Variants in FGF12 observed in about 807,000 individuals in gnomAD.
The protein encoded by FGF12 is fibroblast growth factor 12.
In FGF12, 14 loss-of-function variants were observed where a neutral mutation model predicts 23.6. That is an observed-to-expected ratio of 0.59 (90% CI 0.39 to 0.93). The LOEUF is 0.93. Ranked by LOEUF, FGF12 falls within the 40% of genes least tolerant of loss-of-function variation. The pLI, the probability that FGF12 is intolerant of heterozygous loss-of-function variation, is 0.00. For synonymous variants in FGF12, 62 were observed against 77.3 expected, an observed-to-expected ratio of 0.80 and a Z score of 1.04; for missense variants, 175 against 217.8, an observed-to-expected ratio of 0.80 and a Z score of 1.24.
At chr3:192,680,771 T>A (rs1398946188) in intron 2 of FGF12, among the ~76,000 whole-genome samples, 1 of 152,216 alleles carries the variant, frequency 6.6e-6, no homozygotes, top group African/African-American at 2.4e-5. Context: ...CATTAGGAAG[T>A]ATATTCTTGC....
intron 3 of FGF12, among the ~76,000 whole-genome samples, chr3:192,349,118 A>G (rs1293341942): frequency 6.6e-6 from 1 of 152,144 alleles, no homozygotes; most frequent in East Asian, 1.9e-4. Context: ...TTTATACCTT[A>G]TTTAGCTGGT....
rs1389356012 is a variant in FGF12, at chr3:192,142,452, A to G, written c.*1557T>C. ...TTACATGCTATGTCTTCTCATTGATAATATCCATAAATCTGCATACATTTT... is the reference window on the plus strand; with the variant it reads ...TTACATGCTATGTCTTCTCATTGATGATATCCATAAATCTGCATACATTTT... On this transcript the variant is annotated 3_prime_UTR_variant, in exon 6 of 6. Coordinates refer to ENST00000445105, the MANE Select transcript of FGF12 (RefSeq NM_004113.6). 1.3e-5 allele frequency: 2 copies of G among 149,910 alleles called. No individual in the cohort carries two copies. Among genetic ancestry groups the G allele is most frequent in the East Asian group, 2.0e-4 (1 of 5,062 alleles). 9.3% of individuals were successfully genotyped at this position (149,910 alleles called of 1,614,324 possible).
intron 2 of FGF12, among the ~76,000 whole-genome samples, chr3:192,569,625 A>T (rs971531288): frequency 2.6e-5 from 4 of 152,242 alleles, no homozygotes; most frequent in Admixed American, 6.5e-5. Context: ...AGTAAGATTT[A>T]TCGCAGGTAG....
At chr3:192,343,355 A>C (rs989905147) in intron 3 of FGF12, among the ~76,000 whole-genome samples, 1 of 152,182 alleles carries the variant, frequency 6.6e-6, no homozygotes, top group Non-Finnish European at 1.5e-5. Context: ...ATTTTATTAG[A>C]GTGTGAATAA....
chr3:192,630,743 A>T (rs2108655980), intron 2 of FGF12, among the ~76,000 whole-genome samples: 1 of 150,866 alleles, frequency 6.6e-6, no homozygotes, highest in Admixed American at 6.6e-5. Context: ...TATTTTTAGT[A>T]GAGACGGGGT....
chr3:192,422,018 A>G (rs969070620), intron 2 of FGF12, among the ~76,000 whole-genome samples: 2 of 130,342 alleles, frequency 1.5e-5, no homozygotes, highest in Admixed American at 8.4e-5. Context: ...TTGGACTTCA[A>G]AGGTTTTTGC....
At chr3:192,629,535 G>A (rs953441208) in intron 2 of FGF12, among the ~76,000 whole-genome samples, 1 of 152,212 alleles carries the variant, frequency 6.6e-6, no homozygotes, top group Admixed American at 6.5e-5. Flanking sequence ...ATTCTAGATT[G>A]GACTTTTGAT....
chr3:192,308,530 A>T (rs770220753), intron 4 of FGF12, among the ~76,000 whole-genome samples: 1 of 152,044 alleles, frequency 6.6e-6, no homozygotes, highest in East Asian at 1.9e-4. Flanking sequence ...ATACAAAAAA[A>T]TTAGCCGGGC....
intron 4 of FGF12, among the ~76,000 whole-genome samples, chr3:192,257,144 C>T (rs1712447230): frequency 6.6e-6 from 1 of 152,114 alleles, no homozygotes; most frequent in Admixed American, 6.6e-5. Context: ...ACCATTATTG[C>T]TACATGCCTT....
chr3:192,518,071 T>A (rs1724724172), intron 2 of FGF12, among the ~76,000 whole-genome samples: 1 of 152,194 alleles, frequency 6.6e-6, no homozygotes, highest in Admixed American at 6.5e-5. Context: ...TATTATCCCA[T>A]AAGCCAAACT....
intron 4 of FGF12, among the ~76,000 whole-genome samples, chr3:192,172,390 C>T (rs980034420): frequency 1.4e-5 from 2 of 147,864 alleles, no homozygotes; most frequent in African/African-American, 5.1e-5. Flanking sequence ...GGATCTCAAC[C>T]CCCCCTTCAA....
At chr3:192,542,882 A>G (rs1324433715) in intron 2 of FGF12, among the ~76,000 whole-genome samples, 1 of 152,176 alleles carries the variant, frequency 6.6e-6, no homozygotes, top group East Asian at 1.9e-4. Context: ...GTGCTGAGCT[A>G]ACTAGGCTAG....
chr3:192,269,590 C>G (rs1467454398), intron 4 of FGF12, among the ~76,000 whole-genome samples: 1 of 152,090 alleles, frequency 6.6e-6, no homozygotes, highest in Non-Finnish European at 1.5e-5. Flanking sequence ...AAGTGTTTGG[C>G]ACATTAAAAG....
rs147887041 is a variant in FGF12, at chr3:192,525,672, G to T, written c.14-165134C>A. Among the ~76,000 whole-genome samples, 41 of 152,240 alleles carry T rather than the reference G, an allele frequency of 2.7e-4. 1 individual carries two copies. In the East Asian group the frequency reaches 6.9e-3, roughly 26 times the overall value. On this transcript the variant is annotated intron_variant, in intron 2 of 5. Coordinates refer to ENST00000445105, the MANE Select transcript of FGF12 (RefSeq NM_004113.6). ...TTTTCATTGTATTGAAGATTAAGTC[G>T]ACAGTGTAAGTTTGGTACATAAAAC...
chr3:192,240,651 G>A (rs1018743315), intron 4 of FGF12, among the ~76,000 whole-genome samples: 6 of 152,082 alleles, frequency 3.9e-5, no homozygotes, highest in African/African-American at 1.2e-4. Flanking sequence ...GCTGTATTCT[G>A]TTCCTTTTCC....
intron 2 of FGF12, among the ~76,000 whole-genome samples, chr3:192,667,909 G>C (rs760378181): frequency 6.6e-6 from 1 of 152,062 alleles, no homozygotes; most frequent in Non-Finnish European, 1.5e-5. Context: ...AATGTTATCA[G>C]ACACACATAA....
chr3:192,177,307 C>T (rs889116064), intron 4 of FGF12, among the ~76,000 whole-genome samples: 2 of 152,116 alleles, frequency 1.3e-5, no homozygotes, highest in African/African-American at 4.8e-5. Context: ...ACTACAAAGG[C>T]CTATAAAATT....
chr3:192,439,786 C>T (rs1337908728), intron 2 of FGF12, among the ~76,000 whole-genome samples: 2 of 152,088 alleles, frequency 1.3e-5, no homozygotes, highest in Non-Finnish European at 1.5e-5. Context: ...ACCAGCCTGG[C>T]AAAGATGGTG....
intron 2 of FGF12, among the ~76,000 whole-genome samples, chr3:192,423,784 G>T (rs1336163549): frequency 1.3e-5 from 2 of 152,068 alleles, no homozygotes; most frequent in Non-Finnish European, 2.9e-5. Context: ...TATATTTTAG[G>T]CTTTTTAAAA....
Sources: allele counts gnomAD v4.1 joint callset (sites outside exome capture counted in the v4.1 genomes callset), GRCh38; gene constraint gnomAD v4.1.1; transcripts MANE v1.5; gene names NCBI Gene and HGNC (gene_info 2026-07-23, HGNC 2026-07-21).